The following LAPTM4B variants were observed in gnomAD, a reference collection of about 807,000 sequenced individuals.
The protein encoded by LAPTM4B is lysosomal protein transmembrane 4 beta, also known as lysosomal-associated transmembrane protein 4B.
LAPTM4B carries 26 observed loss-of-function variants against 28.5 expected under a neutral mutation model. The ratio of observed to expected loss-of-function variants is 0.91; its 90% confidence interval spans 0.67 to 1.27. LAPTM4B has a LOEUF of 1.27. Ranked by LOEUF, LAPTM4B falls within the 50% of genes most tolerant of loss-of-function variation. LAPTM4B has a pLI of 0.00. For missense variants in LAPTM4B, 288 were observed against 285.8 expected (o/e 1.01, Z -0.06); for synonymous variants, 109 against 106.4 (o/e 1.02, Z -0.15).
At chr8:97,812,231 T>G (rs1253334433) in intron 2 of LAPTM4B, among the ~76,000 whole-genome samples, 5 of 147,058 alleles carry the variant, frequency 3.4e-5, no homozygotes, top group African/African-American at 1.0e-4. Context: ...TTTTTTGTTT[T>G]TTTTTTGAGT....
chr8:97,805,324 C>CCT (rs780017148), intron 1 of LAPTM4B, 29 bp from the exon 2 acceptor site: 673 of 843,502 alleles, frequency 8.0e-4, no homozygotes, highest in Admixed American at 1.8e-3. Context: ...TACTTAAATT[C>CCT]TTTTTTTTTT....
intron 1 of LAPTM4B, among the ~76,000 whole-genome samples, chr8:97,778,709 C>T (rs149918876): frequency 1.3e-5 from 2 of 152,072 alleles, no homozygotes; most frequent in African/African-American, 4.8e-5. Context: ...GTCCTTTTAA[C>T]TTTTTGCCTA....
chr8:97,789,605 G>A (rs370654007), intron 1 of LAPTM4B, among the ~76,000 whole-genome samples: 17 of 149,430 alleles, frequency 1.1e-4, no homozygotes, highest in African/African-American at 3.9e-4. Context: ...TCGGCTCATC[G>A]CAACCCCTGC....
chr8:97,827,309 G>A (rs1022738260), intron 6 of LAPTM4B, among the ~76,000 whole-genome samples: 2 of 152,180 alleles, frequency 1.3e-5, no homozygotes, highest in African/African-American at 2.4e-5. Context: ...AGAGGGTCCA[G>A]CCTCGTACCC....
chr8:97,819,805 G>A (rs967493890), intron 5 of LAPTM4B, among the ~76,000 whole-genome samples: 47 of 134,564 alleles, frequency 3.5e-4, no homozygotes, highest in African/African-American at 1.3e-3. Context: ...CGCAACCTCG[G>A]CTTACTGCGA....
intron 2 of LAPTM4B, among the ~76,000 whole-genome samples, chr8:97,809,208 C>G (rs1459949633): frequency 6.6e-6 from 1 of 152,114 alleles, no homozygotes; most frequent in Non-Finnish European, 1.5e-5. Flanking sequence ...GCTACCAGAT[C>G]CAGATAGAAC....
At chr8:97,793,711 ATG>A (rs2129745815) in intron 1 of LAPTM4B, among the ~76,000 whole-genome samples, 1 of 152,358 alleles carries the variant, frequency 6.6e-6, no homozygotes, top group Non-Finnish European at 1.5e-5. Flanking sequence ...TACTAGAAGA[ATG>A]TGAAAATAAT....
rs764900968 is a variant in LAPTM4B, at chr8:97,816,169, A to G, written c.397A>G (p.Ile133Val). 2.7e-5 allele frequency: 43 copies of G among 1,612,162 alleles called. 1 individual carries two copies. In the South Asian group the frequency reaches 4.6e-4, roughly 17 times the overall value. The change falls in exon 4 of 7, where the codon ATA becomes GTA. Residue 133 changes from isoleucine to valine, a missense_variant. By Grantham distance (29) the Ile-to-Val change is conservative. Coordinates refer to ENST00000521545, the MANE Select transcript of LAPTM4B (RefSeq NM_018407.6). ...LIYPNSIQEY[I>V]RQLPPNFPYR... ...TTATCCAAACTCCATTCAGGAATAC[A>G]TACGGCAACTGGTACGTGGACCTCT...
intron 2 of LAPTM4B, among the ~76,000 whole-genome samples, chr8:97,808,106 C>T (rs1372276045): frequency 6.6e-6 from 1 of 151,348 alleles, no homozygotes; most frequent in Non-Finnish European, 1.5e-5. Context: ...TAGGCATGAG[C>T]CACCACAACT....
At chr8:97,843,450 A>G (rs898796597) in intron 6 of LAPTM4B, among the ~76,000 whole-genome samples, 3 of 152,102 alleles carry the variant, frequency 2.0e-5, no homozygotes, top group Non-Finnish European at 4.4e-5. Flanking sequence ...AAAACCCAAA[A>G]CTTATATTTA....
At chr8:97,776,906 A>AT (rs924286197) in intron 1 of LAPTM4B, among the ~76,000 whole-genome samples, 4 of 151,802 alleles carry the variant, frequency 2.6e-5, no homozygotes, top group African/African-American at 9.7e-5. Flanking sequence ...AGGAGCAGTG[A>AT]TTTTCAGAGC....
At chr8:97,823,838 C>T (rs989057551) in intron 5 of LAPTM4B, among the ~76,000 whole-genome samples, 1 of 151,794 alleles carries the variant, frequency 6.6e-6, no homozygotes, top group African/African-American at 2.4e-5. Context: ...GCTGGGACTA[C>T]AGGCGCACGC....
At chr8:97,780,182 T>A (rs945325914) in intron 1 of LAPTM4B, among the ~76,000 whole-genome samples, 2 of 152,084 alleles carry the variant, frequency 1.3e-5, no homozygotes, top group African/African-American at 2.4e-5. Context: ...CCCAGCACTT[T>A]CGGAGACTGA....
rs761478917 is a variant in LAPTM4B at position 97,850,465 on chromosome 8, G to GGTGTGTGTGTGTGTGTGTGT, written c.604-927_604-908dup. On this transcript the variant is annotated intron_variant, in intron 6 of 6. Transcript: ENST00000521545. ...GAAGTGTGTAGAGCTGGAGAGGAGGGGTGTGTGTGTGTGTGTGTGTGTGTT... is the reference window on the plus strand; with the variant it reads ...GAAGTGTGTAGAGCTGGAGAGGAGGGGTGTGTGTGTGTGTGTGTGTGTGTGTGTGTGTGTGTGTGTGTGTT... 2.6e-4 allele frequency among the ~76,000 whole-genome samples: 10 copies of GGTGTGTGTGTGTGTGTGTGT among 37,848 alleles called. 1 individual carries two copies. The highest frequency in any genetic ancestry group is 2.0e-3 in the African/African-American group (10 of 5,056). The allele number at this position is 37,848 out of a possible 152,430, so 24.8% of individuals were successfully genotyped here.
At chr8:97,828,498 G>C (rs1490110292) in intron 6 of LAPTM4B, among the ~76,000 whole-genome samples, 1 of 152,204 alleles carries the variant, frequency 6.6e-6, no homozygotes, top group African/African-American at 2.4e-5. Flanking sequence ...ATGAAGCTAA[G>C]CTAGAGAATG....
intron 6 of LAPTM4B, among the ~76,000 whole-genome samples, chr8:97,848,271 A>T (rs1324615768): frequency 4.6e-5 from 7 of 152,216 alleles, no homozygotes; most frequent in African/African-American, 1.7e-4. Context: ...AAACAAAACA[A>T]AACCAAAGAT....
intron 1 of LAPTM4B, among the ~76,000 whole-genome samples, chr8:97,789,673 A>G (rs762769391): frequency 2.1e-4 from 32 of 151,384 alleles, no homozygotes; most frequent in Non-Finnish European, 4.1e-4. Context: ...ATGCACCATC[A>G]TACCTGGCTA....
At chr8:97,786,204 T>G (rs1382952338) in intron 1 of LAPTM4B, among the ~76,000 whole-genome samples, 3 of 152,198 alleles carry the variant, frequency 2.0e-5, no homozygotes, top group Non-Finnish European at 2.9e-5. Flanking sequence ...GAGTTATTGG[T>G]TAACTCATTG....
At chr8:97,788,907 G>T (rs1816451824) in intron 1 of LAPTM4B, among the ~76,000 whole-genome samples, 1 of 151,756 alleles carries the variant, frequency 6.6e-6, no homozygotes. Flanking sequence ...TGTTGACCAG[G>T]TTGGTCTCGA....
Sources: gnomAD v4.1 joint callset for allele counts (sites outside exome capture counted in the v4.1 genomes callset) on GRCh38, gnomAD v4.1.1 for gene constraint, MANE v1.5 for transcripts, NCBI Gene and HGNC (gene_info 2026-07-23, HGNC 2026-07-21) for gene names.